Variants in USP34 observed in about 807,000 individuals in gnomAD.
The protein encoded by USP34 is ubiquitin carboxyl-terminal hydrolase 34.
In USP34, 70 loss-of-function variants were observed where a neutral mutation model predicts 460.3. The observed-to-expected ratio is 0.15, with a 90% CI of 0.13 to 0.19. The LOEUF (loss-of-function observed/expected upper bound fraction) is 0.19. Ranked by LOEUF, USP34 falls within the 10% of genes least tolerant of loss-of-function variation. The pLI is 1.00. For missense variants in USP34, 3,985 were observed against 4,236.2 expected, an observed-to-expected ratio of 0.94 and a Z score of 1.65; for synonymous variants, 1,647 against 1,405.3, an observed-to-expected ratio of 1.17 and a Z score of -3.85.
At chr2:61,305,419 C>T (rs536639857) in intron 27 of USP34, among the ~76,000 whole-genome samples, 42 of 151,962 alleles carry the variant, frequency 2.8e-4, no homozygotes, top group Middle Eastern at 3.4e-3. Flanking sequence ...TTGTGATGAA[C>T]AGCAAGCCCC....
chr2:61,197,581 A>T (rs930732439), intron 75 of USP34, among the ~76,000 whole-genome samples: 6 of 152,128 alleles, frequency 3.9e-5, no homozygotes, highest in African/African-American at 7.2e-5. Context: ...CATCACCTGT[A>T]CTATTGTTTA....
intron 2 of USP34, among the ~76,000 whole-genome samples, chr2:61,419,615 T>C (rs1467003197): frequency 6.6e-6 from 1 of 152,218 alleles, no homozygotes; most frequent in Non-Finnish European, 1.5e-5. Flanking sequence ...TTTGTTTCTC[T>C]GGATTTCATT....
chr2:61,349,580 C>A (rs1040447388), intron 12 of USP34, among the ~76,000 whole-genome samples: 5 of 152,104 alleles, frequency 3.3e-5, no homozygotes, highest in African/African-American at 1.2e-4. Context: ...GTGGGTCACG[C>A]CTGTAACCCC....
intron 15 of USP34, among the ~76,000 whole-genome samples, chr2:61,347,323 G>A (rs1691802223): frequency 3.9e-5 from 6 of 152,114 alleles, no homozygotes; most frequent in Admixed American, 3.3e-4. Flanking sequence ...AAATGGCATT[G>A]TGGATATTAT....
At chr2:61,189,147 G>T in intron 78 of USP34, 78 bp from the exon 79 acceptor site, 1 of 1,431,638 alleles carries the variant, frequency 7.0e-7, no homozygotes, top group Non-Finnish European at 9.4e-7. Flanking sequence ...AATTGCAGAT[G>T]TTTATTTTCC....
At chr2:61,438,963 G>A (rs10199152) in intron 1 of USP34, among the ~76,000 whole-genome samples, 2,760 of 152,222 alleles carry the variant, frequency 0.018, 76 homozygotes, top group African/African-American at 0.061. Flanking sequence ...AAAAAATTCA[G>A]TAAAGTTGCA....
In USP34 at chr2:61,348,107, G is replaced by A. The variant is rs1262830452; in HGVS notation, c.2048C>T (p.Pro683Leu). ...KDLVFNTESLPSVDNRMRMLD... is the reference protein window; with the variant it reads ...KDLVFNTESLLSVDNRMRMLD... ...CATTCGCATTCGATTATCTACTGAT[G>A]GCAATGATTCAGTGTTAAAAACCAG... Residue 683 changes from proline (P) to leucine (L), a missense_variant, in exon 15 of 80, where the codon CCA (proline) becomes CTA (leucine). Pro to Leu is a moderately conservative substitution (Grantham distance 98). Coordinates refer to ENST00000398571, the MANE Select transcript of USP34 (RefSeq NM_014709.4). 1.2e-6 allele frequency: 2 copies of A among 1,614,164 alleles called. No individual in the cohort carries two copies. Among genetic ancestry groups the A allele is most frequent in the Non-Finnish European group, 1.7e-6 (2 of 1,180,014 alleles).
chr2:61,374,158 G>GT (rs1254117043), intron 8 of USP34, among the ~76,000 whole-genome samples: 1 of 136,582 alleles, frequency 7.3e-6, no homozygotes, highest in African/African-American at 3.1e-5. Context: ...TCCATCTCAG[G>GT]GAAAAAAAAA....
chr2:61,192,620 T>G (rs1214288221), intron 76 of USP34, among the ~76,000 whole-genome samples: 2 of 152,174 alleles, frequency 1.3e-5, no homozygotes, highest in Non-Finnish European at 2.9e-5. Context: ...TTTTGGATTT[T>G]CCCCACAACT....
chr2:61,222,489 T>A (rs1214844793), intron 65 of USP34, 130 bp downstream of exon 65: 1 of 676,262 alleles, frequency 1.5e-6, no homozygotes, highest in African/African-American at 1.8e-5. Flanking sequence ...CATTATACAC[T>A]TAAAAATAGG....
chr2:61,227,223 G>A lies in USP34; in HGVS notation c.7444-5C>T, dbSNP rs1179045069. 6.2e-7 allele frequency: 1 copy of A among 1,604,698 alleles called. No individual in the cohort carries two copies. The highest frequency in any genetic ancestry group is 1.3e-5 in the African/African-American group (1 of 74,406). ...TGATAACACTTCAACTTGAGGCTAAGTTGGAATAAAATTCAATTTTAATAC... is the reference window on the plus strand; with the variant it reads ...TGATAACACTTCAACTTGAGGCTAAATTGGAATAAAATTCAATTTTAATAC... On this transcript the variant is annotated splice_region_variant and splice_polypyrimidine_tract_variant and intron_variant, in intron 61 of 79. Coordinates refer to ENST00000398571, the MANE Select transcript of USP34 (RefSeq NM_014709.4).
At chr2:61,375,541 A>G (rs1050007467) in intron 8 of USP34, among the ~76,000 whole-genome samples, 4 of 152,200 alleles carry the variant, frequency 2.6e-5, no homozygotes, top group Admixed American at 2.0e-4. Flanking sequence ...AGGCCAAGGC[A>G]GGCGGATCAC....
At chr2:61,200,456 T>G (rs910098464) in intron 75 of USP34, 1 of 152,346 alleles carries the variant, frequency 6.6e-6, no homozygotes, top group Admixed American at 6.5e-5. Context: ...GCAACTCTAC[T>G]GTTCTCTGCA....
intron 3 of USP34, among the ~76,000 whole-genome samples, chr2:61,404,194 G>T (rs1411570474): frequency 1.3e-5 from 2 of 151,562 alleles, no homozygotes; most frequent in African/African-American, 2.4e-5. Context: ...CCCAGTAAAG[G>T]ACTATTATTT....
At chr2:61,264,068 G>A (rs1012557794) in intron 43 of USP34, among the ~76,000 whole-genome samples, 5 of 152,114 alleles carry the variant, frequency 3.3e-5, no homozygotes, top group African/African-American at 1.2e-4. Context: ...ATGCTTCTTT[G>A]ATAACTGCTT....
At chr2:61,315,044 T>C (rs1690700446) in intron 23 of USP34, 70 bp from the exon 24 acceptor site, 5 of 1,199,990 alleles carry the variant, frequency 4.2e-6, no homozygotes, top group Non-Finnish European at 4.7e-6. Context: ...GACTGAAGTA[T>C]CAAAAGTAAA....
At position 61,392,756 on chromosome 2, in the gene USP34, GT is replaced by G. The variant is rs373554833; in HGVS notation, c.753+2096del. On this transcript the variant is annotated intron_variant, in intron 5 of 79. Transcript: ENST00000398571. ...TTAGTACAAATAAATTCAAGAAACA[GT>G]TTAATCCAGGTTTATGTAATATTCC... Among the ~76,000 whole-genome samples the G allele has an allele frequency of 4.7e-4, 72 of 152,292 alleles. 1 individual carries two copies. In the South Asian group the frequency reaches 0.014, roughly 30 times the overall value.
At chr2:61,376,559 T>A (rs1034221135) in intron 8 of USP34, among the ~76,000 whole-genome samples, 1 of 152,206 alleles carries the variant, frequency 6.6e-6, no homozygotes, top group African/African-American at 2.4e-5. Flanking sequence ...AGCAATTACA[T>A]AAGGTTCTCT....
At chr2:61,398,890 C>T (rs555329768) in intron 3 of USP34, among the ~76,000 whole-genome samples, 11 of 152,226 alleles carry the variant, frequency 7.2e-5, no homozygotes, top group African/African-American at 2.2e-4. Flanking sequence ...CTATGACAAC[C>T]GGGGCCAGAG....
Sources: gnomAD v4.1 joint callset for allele counts (sites outside exome capture counted in the v4.1 genomes callset) on GRCh38, gnomAD v4.1.1 for gene constraint, MANE v1.5 for transcripts, NCBI Gene and HGNC (gene_info 2026-07-23, HGNC 2026-07-21) for gene names.